BIN2: variants seen among roughly 807,000 people sequenced by gnomAD.
BIN2 encodes bridging integrator 2, also known as breast cancer associated protein BRAP1.
A neutral mutation model predicts 67.9 loss-of-function variants in BIN2; 43 were observed. The observed-to-expected ratio is 0.63, with a 90% confidence interval of 0.50 to 0.82. The LOEUF (loss-of-function observed/expected upper bound fraction) is 0.82, where lower values mean the gene tolerates loss of function less well. Ranked by LOEUF, BIN2 falls within the 40% of genes least tolerant of loss-of-function variation. The probability of loss-of-function intolerance (pLI) is 0.00; values close to 1 mark genes in which losing one functional copy is unlikely to be tolerated. For missense variants in BIN2, 581 were observed against 671.6 expected (o/e 0.87, Z 1.49); for synonymous variants, 244 against 246.8 (o/e 0.99, Z 0.11).
chr12:51,312,538 T>A (rs949573066), intron 2 of BIN2, among the ~76,000 whole-genome samples: 1 of 152,192 alleles, frequency 6.6e-6, no homozygotes, highest in Non-Finnish European at 1.5e-5. Context: ...GTTACTTAGG[T>A]TGCCGAATGA....
intron 1 of BIN2, among the ~76,000 whole-genome samples, chr12:51,314,328 G>A (rs547570243): frequency 7.9e-5 from 12 of 152,102 alleles, no homozygotes; most frequent in African/African-American, 2.9e-4. Flanking sequence ...GATTACAGGC[G>A]TGAGCCAACA....
At position 51,284,826 on chromosome 12, in the gene BIN2, A is replaced by G. The variant is rs775949155; in HGVS notation, c.1597-39T>C. ...AGTTCTGCCAGTAAGAGGTGGCTCA[A>G]CCTTTCCAGCCTCTCAGCATAGAAG... On this transcript the variant is annotated intron_variant, in intron 11 of 12. Coordinates refer to ENST00000615107, the MANE Select transcript of BIN2 (RefSeq NM_016293.4). 4 of 1,449,324 alleles carry G rather than the reference A, an allele frequency of 2.8e-6. No homozygotes were observed. The South Asian group carries it at 3.4e-5, about 12-fold the overall frequency. The allele number at this position is 1,449,324 out of a possible 1,614,324, so 89.8% of individuals were successfully genotyped here. A position where few individuals can be genotyped will look rare whatever the true frequency, so the allele number is the denominator to read the frequency against.
intron 1 of BIN2, chr12:51,323,094 TAAAG>T (rs1372931155): frequency 1.3e-5 from 2 of 152,170 alleles, no homozygotes; most frequent in Non-Finnish European, 1.5e-5. Context: ...TTGGGCTTAA[TAAAG>T]AGAGAGAGAA....
intron 1 of BIN2, among the ~76,000 whole-genome samples, chr12:51,315,418 C>T (rs1201511998): frequency 1.3e-5 from 2 of 152,124 alleles, no homozygotes; most frequent in African/African-American, 4.8e-5. Flanking sequence ...GTGATCCGCC[C>T]GCCTCGGCCT....
At position 51,321,404 on chromosome 12, in the gene BIN2, C is replaced by CTT. The variant is rs879721709; in HGVS notation, c.81+2616_81+2617dup. 2.8e-5 allele frequency among the ~76,000 whole-genome samples: 4 copies of CTT among 145,346 alleles called. No homozygotes were observed. The South Asian group carries it at 8.8e-4, about 32-fold the overall frequency. ...ATAAAGGGAGAGAGAATCACTTTGT[C>CTT]TTTTTTTTTTTTGAGACAGAGTTTT... On this transcript the variant is annotated intron_variant, in intron 1 of 12. Transcript: ENST00000615107.
At chr12:51,316,600 TC>T (rs988143042) in intron 1 of BIN2, among the ~76,000 whole-genome samples, 11 of 152,178 alleles carry the variant, frequency 7.2e-5, no homozygotes, top group Non-Finnish European at 1.3e-4. Context: ...CTCATACTCC[TC>T]CTCTCTGCAG....
chr12:51,307,023 G>A (rs1945880021), intron 2 of BIN2, among the ~76,000 whole-genome samples: 2 of 152,096 alleles, frequency 1.3e-5, no homozygotes, highest in Non-Finnish European at 2.9e-5. Context: ...AGTGATGCAC[G>A]CCTGTAATCC....
At chr12:51,282,291 G>T (rs1945136538) in intron 12 of BIN2, among the ~76,000 whole-genome samples, 1 of 151,842 alleles carries the variant, frequency 6.6e-6, no homozygotes. Context: ...TTCACATGCT[G>T]CATAATGACA....
intron 9 of BIN2, among the ~76,000 whole-genome samples, chr12:51,292,967 T>A (rs186224526): frequency 8.5e-5 from 13 of 152,276 alleles, no homozygotes; most frequent in Admixed American, 8.5e-4. Context: ...TATTATTAGG[T>A]AAGCTTCATT....
At chr12:51,306,914 G>A (rs1387471188) in intron 2 of BIN2, among the ~76,000 whole-genome samples, 1 of 152,150 alleles carries the variant, frequency 6.6e-6, no homozygotes, top group Non-Finnish European at 1.5e-5. Flanking sequence ...AGGGAGGTAG[G>A]TAGAGGTTTG....
intron 10 of BIN2, among the ~76,000 whole-genome samples, chr12:51,291,142 C>T (rs1468015555): frequency 6.6e-6 from 1 of 151,908 alleles, no homozygotes; most frequent in South Asian, 2.1e-4. Context: ...GAGCGAGACT[C>T]CATCTCAAAA....
chr12:51,286,411 A>T (rs538595217), intron 11 of BIN2, among the ~76,000 whole-genome samples: 1 of 152,310 alleles, frequency 6.6e-6, no homozygotes, highest in South Asian at 2.1e-4. Flanking sequence ...ATATAAGGAG[A>T]CAGACTCAGG....
chr12:51,291,645 G>A lies in BIN2; in HGVS notation c.1461C>T (p.Ile487=), dbSNP rs147599215. Residue 487 remains isoleucine (I), a synonymous_variant, in exon 10 of 13, where the codon ATC becomes ATT. Coordinates refer to ENST00000615107, the MANE Select transcript of BIN2 (RefSeq NM_016293.4). ...RTPEAKENEN[I]HNQNPEELCT... is the part of the protein sequence containing the mutation. ...AAAGTTCTTCAGGGTTCTGATTGTG[G>A]ATGTTTTCATTTTCTTTGGCCTCAG... 6.3e-5 allele frequency: 101 copies of A among 1,613,130 alleles called. No individual in the cohort carries two copies. Among genetic ancestry groups the A allele is most frequent in the Non-Finnish European group, 1.0e-5 (12 of 1,179,720 alleles).
At chr12:51,314,713 C>T (rs776395516) in intron 1 of BIN2, among the ~76,000 whole-genome samples, 104 of 151,422 alleles carry the variant, frequency 6.9e-4, no homozygotes, top group Admixed American at 1.7e-3. Context: ...GCAGGAGAAT[C>T]GCTTGAACCC....
chr12:51,313,733 G>A, intron 2 of BIN2, 90 bp downstream of exon 2: 2 of 1,197,110 alleles, frequency 1.7e-6, no homozygotes, highest in Non-Finnish European at 2.5e-6. Context: ...GGAGATGTTT[G>A]CCAGTTTGCA....
intron 1 of BIN2, among the ~76,000 whole-genome samples, chr12:51,316,175 C>G (rs938691381): frequency 6.6e-6 from 1 of 152,166 alleles, no homozygotes; most frequent in African/African-American, 2.4e-5. Context: ...CCCCATTCAT[C>G]TGTTCAACAA....
chr12:51,315,256 G>A (rs1034513623), intron 1 of BIN2, among the ~76,000 whole-genome samples: 3 of 151,482 alleles, frequency 2.0e-5, no homozygotes, highest in African/African-American at 7.3e-5. Flanking sequence ...TGCAAGCTCC[G>A]CCTCCCGGGT....
rs760633160 is a variant in BIN2 at position 51,303,071 on chromosome 12, A to G, written c.217+16T>C. On this transcript the variant is annotated intron_variant, in intron 3 of 12. Transcript: ENST00000615107. The stretch of plus-strand genomic sequence containing the variant: ...GTATAAATGCCCTCTGGATTCTCCC[A>G]TGCTGCATTGCCCACCTTTGACTGC... 6.2e-7 allele frequency: 1 copy of G among 1,613,530 alleles called. No individual in the cohort carries two copies. Among genetic ancestry groups the G allele is most frequent in the Admixed American group, 1.7e-5 (1 of 60,018 alleles).
intron 2 of BIN2, chr12:51,304,265 A>G (rs1945809206): frequency 6.6e-6 from 1 of 152,534 alleles, no homozygotes; most frequent in African/African-American, 2.4e-5. Flanking sequence ...AAACAAACAA[A>G]CTTTTTCCTA....
Sources: allele counts gnomAD v4.1 joint callset (sites outside exome capture counted in the v4.1 genomes callset), GRCh38; gene constraint gnomAD v4.1.1; transcripts MANE v1.5; gene names NCBI Gene and HGNC (gene_info 2026-07-23, HGNC 2026-07-21).